Variants in CEP55 observed in about 807,000 individuals in gnomAD.
CEP55 encodes the protein centrosomal protein of 55 kDa.
CEP55 carries 57 observed loss-of-function variants against 63.2 expected under a neutral mutation model. That is an observed-to-expected ratio of 0.90 (90% CI 0.73 to 1.13). The LOEUF is 1.13. Ranked by LOEUF, CEP55 falls within the 50% of genes most tolerant of loss-of-function variation. The pLI is 0.00. For missense variants in CEP55, 456 were observed against 518.9 expected (o/e 0.88, Z 1.18); for synonymous variants, 178 against 191.6 (o/e 0.93, Z 0.59).
Position 93,528,527 on chromosome 10 carries a change from C to T in CEP55, c.*374C>T, listed in dbSNP as rs1299558995. ...TTTTGAAAAATCAAAGATAATTAACCAAGGATCTTAACTGTGTTCGCATTT... is the reference window on the plus strand; with the variant it reads ...TTTTGAAAAATCAAAGATAATTAACTAAGGATCTTAACTGTGTTCGCATTT... On this transcript the variant is annotated 3_prime_UTR_variant, in exon 9 of 9. Transcript: ENST00000371485. 1 of 195,758 alleles carries T rather than the reference C, an allele frequency of 5.1e-6. No individual in the cohort carries two copies. The highest frequency in any genetic ancestry group is 2.4e-5 in the African/African-American group (1 of 42,096). The allele number at this position is 195,758 out of a possible 1,614,324, so 12.1% of individuals were successfully genotyped here.
intron 1 of CEP55, among the ~76,000 whole-genome samples, chr10:93,497,635 A>T (rs989390126): frequency 2.6e-5 from 4 of 152,060 alleles, no homozygotes; most frequent in African/African-American, 9.7e-5. Context: ...AACAAAAATC[A>T]AAGTGCAGTC....
rs1452904535 is a variant in CEP55 at position 93,496,891 on chromosome 10, G to C, written c.-45G>C. 2 of 152,332 alleles carry C rather than the reference G, an allele frequency of 1.3e-5. No individual in the cohort carries two copies. The highest frequency in any genetic ancestry group is 6.5e-5 in the Admixed American group (1 of 15,292). 9.4% of individuals were successfully genotyped at this position (152,332 alleles called of 1,614,324 possible). A position where few individuals can be genotyped will look rare whatever the true frequency, so the allele number is the denominator to read the frequency against. ...GCACCCGGCTGGGCGCCTCAAGACC[G>C]TTGTCTCTTCGATCGCTTCTTTGGA... On this transcript the variant is annotated 5_prime_UTR_variant, in exon 1 of 9. Coordinates refer to ENST00000371485, the MANE Select transcript of CEP55 (RefSeq NM_018131.5).
In CEP55 at chr10:93,503,153, A is replaced by G. The variant is rs2057651118; in HGVS notation, c.224A>G (p.Tyr75Cys). The G allele has an allele frequency of 1.9e-6, 3 of 1,614,170 alleles. No homozygotes were observed. The East Asian group carries it at 6.7e-5, about 36-fold the overall frequency. The change falls in exon 3 of 9, where the codon TAT (tyrosine) becomes TGT (cysteine). Residue 75 changes from tyrosine (Y) to cysteine (C), a missense_variant. Transcript: ENST00000371485. ...GAGGCTGAGAAGGAGAAGAATGCTTATCAACTCACAGAGAAGGACAAAGAA... is the reference window on the plus strand; with the variant it reads ...GAGGCTGAGAAGGAGAAGAATGCTTGTCAACTCACAGAGAAGGACAAAGAA... ...VLEAEKEKNA[Y>C]QLTEKDKEIQ...
intron 3 of CEP55, among the ~76,000 whole-genome samples, chr10:93,505,893 G>A (rs1828330513): frequency 6.6e-6 from 1 of 151,910 alleles, no homozygotes; most frequent in South Asian, 2.1e-4. Context: ...GCCCAGGCTG[G>A]AGTAATTTTT....
chr10:93,515,721 C>T (rs2057797697), intron 5 of CEP55, among the ~76,000 whole-genome samples, 166 bp downstream of exon 5: 1 of 152,182 alleles, frequency 6.6e-6, no homozygotes, highest in African/African-American at 2.4e-5. Context: ...TATTTCCTAA[C>T]GTTTTCAGAT....
At chr10:93,518,559 G>T (rs1311355105) in intron 6 of CEP55, among the ~76,000 whole-genome samples, 1 of 152,200 alleles carries the variant, frequency 6.6e-6, no homozygotes, top group Non-Finnish European at 1.5e-5. Flanking sequence ...CTGGCTAAGG[G>T]CCCAGCACTG....
At chr10:93,521,110 A>G (rs565202533) in intron 8 of CEP55, among the ~76,000 whole-genome samples, 37 of 152,068 alleles carry the variant, frequency 2.4e-4, no homozygotes, top group Non-Finnish European at 4.1e-4. Context: ...CAGACAGTGG[A>G]TGCAGCGCAC....
At chr10:93,498,115 C>G (rs61865303) in intron 1 of CEP55, among the ~76,000 whole-genome samples, 2 of 151,076 alleles carry the variant, frequency 1.3e-5, no homozygotes, top group African/African-American at 4.9e-5. Flanking sequence ...GAGCGAGACT[C>G]TGCCGCCCCT....
chr10:93,528,412 A>C lies in CEP55; in HGVS notation c.*259A>C. The C allele has an allele frequency of 2.2e-6, 1 of 462,398 alleles. No homozygotes were observed. Among genetic ancestry groups the C allele is most frequent in the Non-Finnish European group, 3.9e-6 (1 of 259,004 alleles). 28.6% of individuals were successfully genotyped at this position (462,398 alleles called of 1,614,324 possible). A position where few individuals can be genotyped will look rare whatever the true frequency, so the allele number is the denominator to read the frequency against. Reference sequence around the variant, plus strand: ...TCTACTGAGACTACTAACATTTTGCACTGTCAAAATACTTGGTGAGGAAAA... The same window carrying C: ...TCTACTGAGACTACTAACATTTTGCCCTGTCAAAATACTTGGTGAGGAAAA... On this transcript the variant is annotated 3_prime_UTR_variant, in exon 9 of 9. Transcript: ENST00000371485.
intron 8 of CEP55, 133 bp from the exon 9 acceptor site, chr10:93,527,817 G>C: frequency 1.4e-6 from 1 of 710,302 alleles, no homozygotes; most frequent in Admixed American, 2.8e-5. Flanking sequence ...GGAGGTCGAG[G>C]CTGCAGTGAG....
intron 8 of CEP55, 55 bp downstream of exon 8, chr10:93,519,862 A>G (rs765412935): frequency 1.1e-5 from 17 of 1,593,708 alleles, no homozygotes; most frequent in Non-Finnish European, 1.5e-5. Flanking sequence ...TTATATACCA[A>G]ATCAGTTCCG....
At chr10:93,523,313 A>T (rs1298075294) in intron 8 of CEP55, among the ~76,000 whole-genome samples, 1 of 152,212 alleles carries the variant, frequency 6.6e-6, no homozygotes, top group Non-Finnish European at 1.5e-5. Flanking sequence ...AACAGACTTT[A>T]AACCAACAAA....
chr10:93,516,068 A>C (rs2057800484), intron 5 of CEP55, among the ~76,000 whole-genome samples: 1 of 152,362 alleles, frequency 6.6e-6, no homozygotes, highest in Admixed American at 6.5e-5. Context: ...GTTTTAGAGC[A>C]ACCCTAAGAG....
chr10:93,519,566 C>T, intron 7 of CEP55, 116 bp from the exon 8 acceptor site: 1 of 1,194,296 alleles, frequency 8.4e-7, no homozygotes, highest in Admixed American at 2.3e-5. Context: ...TGAATTCTTG[C>T]TACGATGGTA....
intron 4 of CEP55, among the ~76,000 whole-genome samples, chr10:93,511,067 T>C (rs111520476): frequency 0.012 from 1,863 of 151,372 alleles, 41 homozygotes; most frequent in African/African-American, 0.043. Context: ...GCCTCCAGAG[T>C]AGCTGGGATT....
chr10:93,519,925 G>A, intron 8 of CEP55, 118 bp downstream of exon 8: 1 of 1,120,322 alleles, frequency 8.9e-7, no homozygotes, highest in Non-Finnish European at 1.3e-6. Context: ...AAATCAGTAG[G>A]TAGAGCCTCT....
rs757412846 is a variant in CEP55 at position 93,519,760 on chromosome 10, A to T, written c.1144A>T (p.Lys382Ter). The change falls in exon 8 of 9, where the codon AAG (lysine) becomes TAG (stop). Residue 382 changes from lysine (K) to a stop codon, truncating the protein, a stop_gained. Transcript: ENST00000371485. LOFTEE classifies it high-confidence loss of function. ...HVQHQLHVIL[K>*]ELRKARNQIT... The stretch of plus-strand genomic sequence containing the variant: ...GCAGCATCAATTGCATGTAATTCTT[A>T]AGGAGCTCCGAAAAGCAAGAAATCA... 6.2e-7 allele frequency: 1 copy of T among 1,614,094 alleles called. No individual in the cohort carries two copies. The highest frequency in any genetic ancestry group is 8.5e-7 in the Non-Finnish European group (1 of 1,179,958).
intron 4 of CEP55, among the ~76,000 whole-genome samples, chr10:93,511,452 T>C (rs2057747872): frequency 6.6e-6 from 1 of 152,206 alleles, no homozygotes; most frequent in Admixed American, 6.5e-5. Flanking sequence ...AGAAAGCCGA[T>C]GCACACAGTG....
intron 5 of CEP55, among the ~76,000 whole-genome samples, chr10:93,516,054 T>A (rs1478372135): frequency 2.0e-5 from 3 of 152,182 alleles, no homozygotes; most frequent in Admixed American, 6.5e-5. Flanking sequence ...TAGATCTTAG[T>A]GGAGTTTTAG....
Sources: gnomAD v4.1 joint callset for allele counts (sites outside exome capture counted in the v4.1 genomes callset) on GRCh38, gnomAD v4.1.1 for gene constraint, MANE v1.5 for transcripts, NCBI Gene and HGNC (gene_info 2026-07-23, HGNC 2026-07-21) for gene names.